Variants in GSK3B observed in about 807,000 individuals in gnomAD.
GSK3B encodes the protein glycogen synthase kinase-3 beta.
GSK3B carries 15 observed loss-of-function variants against 56.4 expected under a neutral mutation model. The ratio of observed to expected loss-of-function variants is 0.27; its 90% CI spans 0.18 to 0.41. GSK3B has a LOEUF of 0.41. Ranked by LOEUF, GSK3B falls within the 10% of genes least tolerant of loss-of-function variation. The pLI is 1.00. For missense variants in GSK3B, 300 were observed against 513.4 expected (o/e 0.58, Z 4.02); for synonymous variants, 181 against 188.9 (o/e 0.96, Z 0.34).
At chr3:120,018,490 T>C (rs1030119312) in intron 1 of GSK3B, among the ~76,000 whole-genome samples, 1 of 152,146 alleles carries the variant, frequency 6.6e-6, no homozygotes, top group Non-Finnish European at 1.5e-5. Context: ...GACTCTATAG[T>C]ATTAAAAACT....
intron 2 of GSK3B, among the ~76,000 whole-genome samples, chr3:119,984,949 T>C (rs1266022069): frequency 6.6e-6 from 1 of 152,142 alleles, no homozygotes; most frequent in South Asian, 2.1e-4. Context: ...CAATAAAATA[T>C]TGGCAAATTG....
intron 8 of GSK3B, among the ~76,000 whole-genome samples, chr3:119,867,772 T>C (rs775534016): frequency 7.2e-5 from 11 of 152,166 alleles, no homozygotes; most frequent in Non-Finnish European, 1.5e-4. Context: ...TTTAGGATAG[T>C]TTCCAGTGGG....
rs72548716 is a variant in GSK3B, at chr3:119,826,521, G to A, written c.*267C>T. 4.7e-3 allele frequency: 2,711 copies of A among 572,168 alleles called. 20 individuals are homozygous for A. Among genetic ancestry groups the A allele is most frequent in the Middle Eastern group, 0.01 (21 of 2,074 alleles). 35.4% of individuals were successfully genotyped at this position (572,168 alleles called of 1,614,324 possible). A position where few individuals can be genotyped will look rare whatever the true frequency, so the allele number is the denominator to read the frequency against. ...AAAAGATTGTCGTGGGAGAGAGATT[G>A]TATGTTCTAGTGCTCCGCTTTCCCC... On this transcript the variant is annotated 3_prime_UTR_variant, in exon 11 of 11. Transcript: ENST00000264235.
chr3:120,028,741 T>C (rs1030120275), intron 1 of GSK3B: 1 of 472,338 alleles, frequency 2.1e-6, no homozygotes, highest in African/African-American at 2.0e-5. Context: ...GTTGGGAAGA[T>C]GGCCTGGTGA....
chr3:120,086,906 C>T (rs558524216), intron 1 of GSK3B, among the ~76,000 whole-genome samples: 3 of 152,152 alleles, frequency 2.0e-5, no homozygotes, highest in Non-Finnish European at 4.4e-5. Flanking sequence ...TAAGTAATCC[C>T]AATATGCTTG....
chr3:119,826,110 CACTA>C lies in GSK3B; in HGVS notation c.*674_*677del, dbSNP rs1171913652. ...CCTGTACAAGCCTCTACATCACTAG[CACTA>C]ACTGAGAGCAAAACAAAACCTTAAC... is the stretch of plus-strand genomic sequence containing the variant. On this transcript the variant is annotated 3_prime_UTR_variant, in exon 11 of 11. Transcript: ENST00000264235. 1.3e-5 allele frequency: 3 copies of C among 233,934 alleles called. No homozygotes were observed. Among genetic ancestry groups the C allele is most frequent in the African/African-American group, 6.7e-5 (3 of 44,808 alleles). 14.5% of individuals were successfully genotyped at this position (233,934 alleles called of 1,614,324 possible).
intron 1 of GSK3B, among the ~76,000 whole-genome samples, chr3:120,031,824 G>GT (rs1404563429): frequency 2.6e-5 from 4 of 152,172 alleles, no homozygotes; most frequent in South Asian, 2.1e-4. Flanking sequence ...TTTTTTGCTA[G>GT]TTTTTTATAA....
At chr3:119,912,360 G>C (rs1346886535) in intron 6 of GSK3B, among the ~76,000 whole-genome samples, 1 of 152,068 alleles carries the variant, frequency 6.6e-6, no homozygotes, top group Non-Finnish European at 1.5e-5. Flanking sequence ...CAGATACAAT[G>C]AGAATGTTTG....
At chr3:119,946,100 C>G (rs1483703728) in intron 3 of GSK3B, among the ~76,000 whole-genome samples, 1 of 144,942 alleles carries the variant, frequency 6.9e-6, no homozygotes, top group Admixed American at 6.8e-5. Flanking sequence ...AAAAAAAAAG[C>G]AACTGAAAAG....
intron 4 of GSK3B, among the ~76,000 whole-genome samples, chr3:119,919,477 G>C (rs2056814828): frequency 7.3e-6 from 1 of 136,122 alleles, no homozygotes. Flanking sequence ...ATAATGCCCA[G>C]AGCCAATAGA....
At chr3:120,082,454 T>C (rs1164663758) in intron 1 of GSK3B, among the ~76,000 whole-genome samples, 1 of 136,950 alleles carries the variant, frequency 7.3e-6, no homozygotes, top group African/African-American at 2.8e-5. Context: ...TGGAGTGCAG[T>C]GGCACAATCT....
chr3:119,898,556 G>C (rs1402816936), intron 7 of GSK3B, among the ~76,000 whole-genome samples: 1 of 152,004 alleles, frequency 6.6e-6, no homozygotes, highest in African/African-American at 2.4e-5. Context: ...ATGGGTTCTG[G>C]GTATCAAGTT....
intron 8 of GSK3B, among the ~76,000 whole-genome samples, chr3:119,871,474 T>C (rs1031286250): frequency 6.6e-6 from 1 of 152,204 alleles, no homozygotes; most frequent in Non-Finnish European, 1.5e-5. Context: ...TTCATATTAA[T>C]ACTATTATTA....
chr3:119,935,988 C>T (rs1238208246), intron 3 of GSK3B, among the ~76,000 whole-genome samples: 1 of 151,914 alleles, frequency 6.6e-6, no homozygotes, highest in African/African-American at 2.4e-5. Flanking sequence ...AAAACAAAAA[C>T]CACATAATCA....
intron 1 of GSK3B, among the ~76,000 whole-genome samples, chr3:120,034,317 CTA>C (rs1248455078): frequency 6.6e-6 from 1 of 152,164 alleles, no homozygotes; most frequent in Non-Finnish European, 1.5e-5. Context: ...AAACTTACTC[CTA>C]TGTTTTCTCC....
chr3:119,920,726 G>C (rs376516549), intron 4 of GSK3B, among the ~76,000 whole-genome samples: 2 of 152,116 alleles, frequency 1.3e-5, no homozygotes, highest in East Asian at 3.8e-4. Context: ...TACTATCATT[G>C]AGAAATGAAA....
intron 4 of GSK3B, among the ~76,000 whole-genome samples, chr3:119,920,960 T>A (rs1347780918): frequency 6.6e-6 from 1 of 152,188 alleles, no homozygotes; most frequent in Admixed American, 6.5e-5. Flanking sequence ...ACCTCTAGCA[T>A]CCAGACTGTG....
chr3:119,892,154 G>T (rs1257529923), intron 7 of GSK3B, among the ~76,000 whole-genome samples: 1 of 152,100 alleles, frequency 6.6e-6, no homozygotes, highest in Non-Finnish European at 1.5e-5. Context: ...CAATAGAGGT[G>T]CATGTGTAGC....
intron 2 of GSK3B, among the ~76,000 whole-genome samples, chr3:119,967,323 G>T (rs112508372): frequency 6.6e-6 from 1 of 152,034 alleles, no homozygotes; most frequent in Admixed American, 6.5e-5. Flanking sequence ...TGATATGTCC[G>T]CCTCGGCCTC....
Sources: gnomAD v4.1 joint callset for allele counts (sites outside exome capture counted in the v4.1 genomes callset) on GRCh38, gnomAD v4.1.1 for gene constraint, MANE v1.5 for transcripts, NCBI Gene and HGNC (gene_info 2026-07-23, HGNC 2026-07-21) for gene names.